PDZD9: variants seen among roughly 807,000 people sequenced by gnomAD.
The protein encoded by PDZD9 is PDZ domain-containing protein 9.
In PDZD9, 13 loss-of-function variants were observed where a neutral mutation model predicts 16.3. The observed-to-expected ratio is 0.80, with a 90% confidence interval of 0.52 to 1.27. PDZD9 has a LOEUF of 1.27. Ranked by LOEUF, PDZD9 falls within the 50% of genes most tolerant of loss-of-function variation. The pLI, the probability that PDZD9 is intolerant of heterozygous loss-of-function variation, is 0.00. For synonymous variants in PDZD9, 120 were observed against 111.0 expected (o/e 1.08, Z -0.51); for missense variants, 288 against 310.9 (o/e 0.93, Z 0.55).
At chr16:21,982,132 G>A (rs554920243), downstream of PDZD9, among the ~76,000 whole-genome samples, 4 of 151,956 alleles carry the variant, frequency 2.6e-5, no homozygotes, top group South Asian at 2.1e-4. Context: ...GAATCAACGC[G>A]CCCAGCCCAT....
downstream of PDZD9, chr16:21,983,163 G>T: frequency 1.2e-6 from 2 of 1,613,946 alleles, no homozygotes; most frequent in Non-Finnish European, 1.7e-6. Context: ...TTTTGTTGAT[G>T]AGTTGTAATA....
intron 2 of PDZD9, among the ~76,000 whole-genome samples, chr16:21,989,862 A>C (rs1038344811): frequency 6.6e-6 from 1 of 152,074 alleles, no homozygotes; most frequent in East Asian, 1.9e-4. Context: ...AAAAAGACCA[A>C]TTTTTCACTT....
At chr16:21,979,114 C>T (rs1178603111), downstream of PDZD9, among the ~76,000 whole-genome samples, 2 of 152,164 alleles carry the variant, frequency 1.3e-5, no homozygotes, top group Admixed American at 1.3e-4. Flanking sequence ...AAGGTCAAGA[C>T]TGTGACCTTT....
chr16:21,998,279 G>T, intron 1 of PDZD9: 1 of 202,328 alleles, frequency 4.9e-6, no homozygotes, highest in Non-Finnish European at 1.1e-5. Context: ...TTAAGTAAAA[G>T]AAGCCAGACT....
Position 21,996,409 on chromosome 16 carries a change from G to A in PDZD9, c.124C>T (p.Leu42Phe). The A allele has an allele frequency of 1.3e-6, 2 of 1,536,012 alleles. No homozygotes were observed. Among genetic ancestry groups the A allele is most frequent in the Non-Finnish European group, 1.7e-6 (2 of 1,146,806 alleles). Residue 42 changes from leucine to phenylalanine, a missense_variant, in exon 2 of 4, where the codon CTC becomes TTC. Leu to Phe is a conservative substitution (Grantham distance 22, BLOSUM62 0). Transcript: ENST00000424898. ...TAGGGTCCATGCTGGATGATGATGA[G>A]GCCTAATCCCAGGCTACCCACAGTG... ...KLTVGSLGLG[L>F]IIIQHGPYLQ...
At chr16:21,971,740 T>A in the PDZD9 span, 1 of 1,322,556 alleles carries the variant, frequency 7.6e-7, no homozygotes, top group Non-Finnish European at 1.1e-6. Flanking sequence ...TAGAATTGGA[T>A]GGCTTGGGTG....
At chr16:21,966,380 C>A in the PDZD9 span, among the ~76,000 whole-genome samples, 1 of 151,982 alleles carries the variant, frequency 6.6e-6, no homozygotes, top group African/African-American at 2.4e-5. Flanking sequence ...AACTTTGTTT[C>A]CAAAACATGA....
intron 3 of PDZD9, among the ~76,000 whole-genome samples, chr16:21,986,912 C>G (rs976623535): frequency 8.6e-5 from 13 of 151,998 alleles, no homozygotes; most frequent in African/African-American, 2.9e-4. Flanking sequence ...GTGCAAAGAC[C>G]CTGAGGCAAA....
At chr16:21,962,959 A>G in the PDZD9 span, 31 of 1,506,690 alleles carry the variant, frequency 2.1e-5, 2 homozygotes, top group South Asian at 3.7e-4. Context: ...AGAAGAAAAA[A>G]AATTGCTGTC....
chr16:21,996,544 A>G (rs539562969), intron 1 of PDZD9, 43 bp from the exon 2 acceptor site: 2 of 1,493,124 alleles, frequency 1.3e-6, no homozygotes, highest in East Asian at 4.9e-5. Flanking sequence ...TCACCAAGAC[A>G]GAAGCATGGC....
chr16:21,983,037 G>T (rs1385363627), downstream of PDZD9: 16 of 1,515,434 alleles, frequency 1.1e-5, no homozygotes, highest in Admixed American at 1.7e-5. Flanking sequence ...CCTGCTTGAT[G>T]ATATATATTT....
the PDZD9 span, among the ~76,000 whole-genome samples, chr16:21,970,101 CATA>C: frequency 1.3e-5 from 2 of 152,106 alleles, no homozygotes; most frequent in Middle Eastern, 3.2e-3. Context: ...TCTTACTTAG[CATA>C]ATGTTTTCAA....
the PDZD9 span, chr16:21,976,965 C>T: frequency 3.5e-4 from 53 of 152,164 alleles, 1 homozygote; most frequent in Admixed American, 2.8e-3. Context: ...TTTTGTGTTT[C>T]GTATTACTTT....
the PDZD9 span, among the ~76,000 whole-genome samples, chr16:21,974,336 T>C: frequency 6.6e-6 from 1 of 152,138 alleles, no homozygotes; most frequent in African/African-American, 2.4e-5. Flanking sequence ...TGTGAATGAT[T>C]GTAGGAAAAG....
chr16:21,971,417 T>A, the PDZD9 span: 1,058 of 871,984 alleles, frequency 1.2e-3, 15 homozygotes, highest in East Asian at 0.025. Context: ...TTATTTATTT[T>A]GTAGTGTTAG....
At chr16:21,976,066 T>G in the PDZD9 span, 1 of 739,560 alleles carries the variant, frequency 1.4e-6, no homozygotes, top group Non-Finnish European at 2.4e-6. Context: ...TGTCTGGAAC[T>G]AACCTTCCAT....
chr16:21,996,232 T>C, intron 2 of PDZD9, 90 bp downstream of exon 2: 1 of 1,378,906 alleles, frequency 7.3e-7, no homozygotes. Context: ...GTCATATCCT[T>C]ATAGTTACAC....
chr16:21,984,256 C>A lies in PDZD9; in HGVS notation c.*11G>T. On this transcript the variant is annotated 3_prime_UTR_variant, in exon 4 of 4. Transcript: ENST00000424898. The stretch of plus-strand genomic sequence containing the variant: ...GTCTGCAAGATAAATGCTCATATGA[C>A]CACAGATTTGCTAACCAACCTTTGA... 6.3e-7 allele frequency: 1 copy of A among 1,599,776 alleles called. No individual in the cohort carries two copies. Among genetic ancestry groups the A allele is most frequent in the Non-Finnish European group, 8.5e-7 (1 of 1,171,432 alleles).
chr16:21,987,651 G>A (rs970503986), intron 3 of PDZD9, among the ~76,000 whole-genome samples: 2 of 152,154 alleles, frequency 1.3e-5, no homozygotes, highest in African/African-American at 4.8e-5. Context: ...CTGCTCAGAA[G>A]CCAAGCAAGA....
Sources: gnomAD v4.1 joint callset for allele counts (sites outside exome capture counted in the v4.1 genomes callset) on GRCh38, gnomAD v4.1.1 for gene constraint, MANE v1.5 for transcripts, NCBI Gene and HGNC (gene_info 2026-07-23, HGNC 2026-07-21) for gene names.